Variants in AGAP1 observed in about 807,000 individuals in gnomAD.
AGAP1 encodes the protein arf-GAP with GTPase, ANK repeat and PH domain-containing protein 1.
Under a neutral mutation model 105.3 loss-of-function variants are expected in AGAP1, and 29 were observed. The ratio of observed to expected loss-of-function variants is 0.28; its 90% CI spans 0.21 to 0.38. The LOEUF is 0.38. Among genes scored for constraint, AGAP1 ranks in the 10% least tolerant of loss-of-function variants. The pLI, the probability that AGAP1 is intolerant of heterozygous loss-of-function variation, is 1.00. For synonymous variants in AGAP1, 509 were observed against 485.9 expected, an observed-to-expected ratio of 1.05 and a Z score of -0.63; for missense variants, 998 against 1,165.1, an observed-to-expected ratio of 0.86 and a Z score of 2.09.
intron 1 of AGAP1, among the ~76,000 whole-genome samples, chr2:235,573,033 C>CT (rs1491055042): frequency 0.012 from 277 of 22,290 alleles, 17 homozygotes; most frequent in African/African-American, 0.031. Context: ...TCTTCTTCTT[C>CT]TTCTTCTTCT....
chr2:235,880,501 C>T (rs12994664), intron 9 of AGAP1, among the ~76,000 whole-genome samples: 53,275 of 150,862 alleles, frequency 0.35, 10,157 homozygotes, highest in South Asian at 0.64. Context: ...GAGGGCGAGG[C>T]GGGTGGATCA....
At chr2:235,597,919 C>T (rs1463892705) in intron 1 of AGAP1, among the ~76,000 whole-genome samples, 1 of 102,238 alleles carries the variant, frequency 9.8e-6, no homozygotes, top group Non-Finnish European at 1.9e-5. Flanking sequence ...CACGCGCTCC[C>T]GTGTTTCCTG....
intron 1 of AGAP1, among the ~76,000 whole-genome samples, chr2:235,563,283 C>G (rs1199020689): frequency 6.6e-6 from 1 of 152,148 alleles, no homozygotes; most frequent in Non-Finnish European, 1.5e-5. Flanking sequence ...CGTCCTGCCC[C>G]CCTTTGCTGT....
In AGAP1 at chr2:235,586,293, C is replaced by G. The variant is rs1463106129; in HGVS notation, c.163+91444C>G. 6.6e-6 allele frequency among the ~76,000 whole-genome samples: 1 copy of G among 152,178 alleles called. No homozygotes were observed. The highest frequency in any genetic ancestry group is 6.5e-5 in the Admixed American group (1 of 15,284). Reference sequence around the variant, plus strand: ...CTGCACTCTCCACTGACCAGACCACCCACTTTGCCCTCTGCACGCTCACTC... The same window carrying G: ...CTGCACTCTCCACTGACCAGACCACGCACTTTGCCCTCTGCACGCTCACTC... On this transcript the variant is annotated intron_variant, in intron 1 of 17. Coordinates refer to ENST00000304032, the MANE Select transcript of AGAP1 (RefSeq NM_001037131.3). The surrounding 1 kb of genome is among the most constrained non-coding windows in gnomAD (Gnocchi z 4.2).
Position 235,655,678 on chromosome 2 carries a change from G to C in AGAP1, c.164-53501G>C, listed in dbSNP as rs868488081. Among the ~76,000 whole-genome samples, 1 of 152,228 alleles carries C rather than the reference G, an allele frequency of 6.6e-6. No individual in the cohort carries two copies. The highest frequency in any genetic ancestry group is 1.5e-5 in the Non-Finnish European group (1 of 68,042). On this transcript the variant is annotated intron_variant, in intron 1 of 17. Coordinates refer to ENST00000304032, the MANE Select transcript of AGAP1 (RefSeq NM_001037131.3). This position sits in a 1 kb window ranked among gnomAD's most constrained non-coding sequence, Gnocchi z 4.3. ...CAGTTAACTGCGTTCCAGCGAAGCA[G>C]GTGCCCCGTGTGTTGCTCTGCAAGT...
At chr2:236,075,980 A>G (rs1214227810) in intron 16 of AGAP1, among the ~76,000 whole-genome samples, 2 of 152,186 alleles carry the variant, frequency 1.3e-5, no homozygotes, top group Non-Finnish European at 2.9e-5. Context: ...AGCGTGGGTC[A>G]CCCAGGCGGA....
intron 16 of AGAP1, among the ~76,000 whole-genome samples, chr2:236,054,728 A>G (rs1410163320): frequency 6.6e-6 from 1 of 151,994 alleles, no homozygotes; most frequent in African/African-American, 2.4e-5. Context: ...TGGTGTGCAG[A>G]CTCTGATCTC....
chr2:235,895,668 A>G (rs184879837), intron 10 of AGAP1, among the ~76,000 whole-genome samples: 115 of 152,168 alleles, frequency 7.6e-4, no homozygotes, highest in Middle Eastern at 3.4e-3. Flanking sequence ...TATGTCACCA[A>G]TGTATCTCTA....
chr2:235,621,252 C>T lies in AGAP1; in HGVS notation c.164-87927C>T, dbSNP rs1483091873. 6.6e-6 allele frequency among the ~76,000 whole-genome samples: 1 copy of T among 152,114 alleles called. No homozygotes were observed. The highest frequency in any genetic ancestry group is 1.9e-4 in the East Asian group (1 of 5,178). ...GGCCAGGGTGGTCTTGAACTCCTGACCTCTGGTGATCCGCCCACCTCGGCC... is the reference window on the plus strand; with the variant it reads ...GGCCAGGGTGGTCTTGAACTCCTGATCTCTGGTGATCCGCCCACCTCGGCC... On this transcript the variant is annotated intron_variant, in intron 1 of 17. Transcript: ENST00000304032. The surrounding 1 kb of genome is among the most constrained non-coding windows in gnomAD (Gnocchi z 4.1).
chr2:235,706,479 C>T (rs542764125), intron 1 of AGAP1, among the ~76,000 whole-genome samples: 1 of 152,054 alleles, frequency 6.6e-6, no homozygotes, highest in Non-Finnish European at 1.5e-5. Context: ...CCGCCCGCCT[C>T]GGCCTCCCAA....
chr2:235,573,016 T>TTCC lies in AGAP1; in HGVS notation c.163+78169_163+78170insCTC, dbSNP rs1491085439. Among the ~76,000 whole-genome samples the TTCC allele has an allele frequency of 4.4e-4, 11 of 25,130 alleles. 1 individual carries two copies. 16.5% of individuals were successfully genotyped at this position (25,130 alleles called of 152,430 possible). A position where few individuals can be genotyped will look rare whatever the true frequency, so the allele number is the denominator to read the frequency against. On this transcript the variant is annotated intron_variant, in intron 1 of 17. Transcript: ENST00000304032. The stretch of plus-strand genomic sequence containing the variant: ...CTTCTTCTTCTTCTTCTTCTTCTTC[T>TTCC]TCTTCTTCTTCTTCTTCTTCTTCTT...
intron 16 of AGAP1, among the ~76,000 whole-genome samples, chr2:236,110,586 A>G (rs2059616154): frequency 6.6e-6 from 1 of 152,170 alleles, no homozygotes; most frequent in African/African-American, 2.4e-5. Flanking sequence ...GCCTCAAGTC[A>G]GTGGTTGGCA....
chr2:236,028,923 T>C (rs956663966), intron 13 of AGAP1, among the ~76,000 whole-genome samples: 3 of 152,200 alleles, frequency 2.0e-5, no homozygotes, highest in Non-Finnish European at 4.4e-5. Flanking sequence ...ATCATGCTTC[T>C]TTCTCTTATT....
chr2:235,846,183 T>C (rs1241782051), intron 9 of AGAP1, among the ~76,000 whole-genome samples: 1 of 152,224 alleles, frequency 6.6e-6, no homozygotes, highest in Non-Finnish European at 1.5e-5. Context: ...GAAATTTCGA[T>C]CTAGGACTCA....
At position 235,550,756 on chromosome 2, in the gene AGAP1, T is replaced by C. The variant is rs1019250022; in HGVS notation, c.163+55907T>C. ...CAAAGAGTGAGCTCTTTGATGCTGA[T>C]GAGATAGTGTTTATTTATTTTTATC... On this transcript the variant is annotated intron_variant, in intron 1 of 17. Transcript: ENST00000304032. This position sits in a 1 kb window ranked among gnomAD's most constrained non-coding sequence, Gnocchi z 4.6. Among the ~76,000 whole-genome samples the C allele has an allele frequency of 3.3e-5, 5 of 152,170 alleles. No individual in the cohort carries two copies. Among genetic ancestry groups the C allele is most frequent in the Non-Finnish European group, 5.9e-5 (4 of 68,028 alleles).
chr2:235,697,314 G>A (rs1251374846), intron 1 of AGAP1, among the ~76,000 whole-genome samples: 1 of 152,184 alleles, frequency 6.6e-6, no homozygotes, highest in African/African-American at 2.4e-5. Flanking sequence ...TTGCCGCATC[G>A]GGATGGGGAG....
Position 236,056,723 on chromosome 2 carries a change from A to C in AGAP1, c.2114+7442A>C, listed in dbSNP as rs550660957. Reference sequence around the variant, plus strand: ...TTCTTCTTCTTAATGAAGAGGAGGGAGACAAAAACATGGCCGGAGCACACA... The same window carrying C: ...TTCTTCTTCTTAATGAAGAGGAGGGCGACAAAAACATGGCCGGAGCACACA... On this transcript the variant is annotated intron_variant, in intron 16 of 17. Coordinates refer to ENST00000304032, the MANE Select transcript of AGAP1 (RefSeq NM_001037131.3). This position sits in a 1 kb window ranked among gnomAD's most constrained non-coding sequence, Gnocchi z 4.6. 6.6e-6 allele frequency among the ~76,000 whole-genome samples: 1 copy of C among 152,146 alleles called. No homozygotes were observed. Among genetic ancestry groups the C allele is most frequent in the South Asian group, 2.1e-4 (1 of 4,804 alleles).
At chr2:235,680,640 G>A (rs1192534658) in intron 1 of AGAP1, among the ~76,000 whole-genome samples, 2 of 152,116 alleles carry the variant, frequency 1.3e-5, no homozygotes, top group Admixed American at 1.3e-4. Flanking sequence ...GGTGCTGACA[G>A]GGTGAATGTA....
At chr2:235,661,085 C>A (rs1559321780) in intron 1 of AGAP1, among the ~76,000 whole-genome samples, 2 of 152,142 alleles carry the variant, frequency 1.3e-5, no homozygotes, top group African/African-American at 4.8e-5. Flanking sequence ...GGATGGTTTA[C>A]TGAGAGTAGG....
Sources: gnomAD v4.1 joint callset for allele counts (sites outside exome capture counted in the v4.1 genomes callset) on GRCh38, gnomAD v4.1.1 for gene constraint, Gnocchi (gnomAD v3.1) non-coding constraint, MANE v1.5 for transcripts, NCBI Gene and HGNC (gene_info 2026-07-23, HGNC 2026-07-21) for gene names.